Variants in SHB observed in about 807,000 individuals in gnomAD.
The protein encoded by SHB is SH2 domain-containing adapter protein B.
A neutral mutation model predicts 52.3 loss-of-function variants in SHB; 20 were observed. The ratio of observed to expected loss-of-function variants is 0.38; its 90% CI spans 0.27 to 0.56. SHB has a LOEUF of 0.56. Among genes scored for constraint, SHB ranks in the 20% least tolerant of loss-of-function variants. The pLI is 0.71. For missense variants in SHB, 825 were observed against 723.3 expected (o/e 1.14, Z -1.61); for synonymous variants, 397 against 316.5 (o/e 1.25, Z -2.70).
chr9:38,022,820 G>A (rs935638185), intron 1 of SHB, among the ~76,000 whole-genome samples: 2 of 152,238 alleles, frequency 1.3e-5, no homozygotes, highest in African/African-American at 4.8e-5. Flanking sequence ...CAAGCCAGGT[G>A]ATTCAGGAAA....
At chr9:38,059,604 G>A (rs1265851462) in intron 1 of SHB, among the ~76,000 whole-genome samples, 2 of 152,204 alleles carry the variant, frequency 1.3e-5, no homozygotes, top group African/African-American at 2.4e-5. Context: ...ATTCCATTGT[G>A]GAAGCAAGGT....
intron 2 of SHB, among the ~76,000 whole-genome samples, chr9:37,975,657 T>C (rs556837403): frequency 2.0e-5 from 3 of 152,198 alleles, no homozygotes; most frequent in Non-Finnish European, 4.4e-5. Context: ...AATCAGGCAC[T>C]TCCCAGTCAA....
At chr9:37,935,376 C>A (rs1326189631) in intron 5 of SHB, among the ~76,000 whole-genome samples, 1 of 152,154 alleles carries the variant, frequency 6.6e-6, no homozygotes, top group Non-Finnish European at 1.5e-5. Flanking sequence ...CTCGGTGGGG[C>A]ATACGCCTTT....
intron 2 of SHB, among the ~76,000 whole-genome samples, chr9:37,994,907 T>C (rs1366724472): frequency 6.6e-6 from 1 of 152,170 alleles, no homozygotes; most frequent in Non-Finnish European, 1.5e-5. Flanking sequence ...GGAAGAGCCC[T>C]GTACTCTGTG....
chr9:37,972,646 AT>A (rs1820604266), intron 3 of SHB, among the ~76,000 whole-genome samples: 1 of 152,192 alleles, frequency 6.6e-6, no homozygotes, highest in African/African-American at 2.4e-5. Flanking sequence ...GCTTGGAGAG[AT>A]GATAATGTTT....
At chr9:37,966,918 G>A (rs926792793) in intron 3 of SHB, among the ~76,000 whole-genome samples, 5 of 152,298 alleles carry the variant, frequency 3.3e-5, no homozygotes, top group South Asian at 2.1e-4. Context: ...TGAGGGGGAC[G>A]GTGACAAGTC....
chr9:38,017,516 A>C (rs1325923157), intron 1 of SHB, among the ~76,000 whole-genome samples: 1 of 152,224 alleles, frequency 6.6e-6, no homozygotes, highest in Non-Finnish European at 1.5e-5. Context: ...GATGCCCGGA[A>C]AGGGACAGCA....
chr9:37,939,475 C>A (rs1832412523), intron 5 of SHB, among the ~76,000 whole-genome samples: 1 of 152,234 alleles, frequency 6.6e-6, no homozygotes, highest in Non-Finnish European at 1.5e-5. Flanking sequence ...AAACTAGACT[C>A]TTCTATTTGG....
chr9:38,006,026 C>G (rs1227500770), intron 2 of SHB, among the ~76,000 whole-genome samples: 1 of 152,220 alleles, frequency 6.6e-6, no homozygotes, highest in Non-Finnish European at 1.5e-5. Flanking sequence ...GACCACATCT[C>G]AACTCTGACT....
In SHB at chr9:37,918,866, G is replaced by A. The variant is rs1048505348; in HGVS notation, c.*955C>T. 3.3e-5 allele frequency among the ~76,000 whole-genome samples: 5 copies of A among 152,158 alleles called. No homozygotes were observed. Among genetic ancestry groups the A allele is most frequent in the African/African-American group, 9.7e-5 (4 of 41,428 alleles). The stretch of plus-strand genomic sequence containing the variant: ...ACTGGTTTTTTGGTCAACACTGGAG[G>A]CTCCTGACTATGTCCACTGCTGAAG... On this transcript the variant is annotated 3_prime_UTR_variant, in exon 6 of 6. Coordinates refer to ENST00000377707, the MANE Select transcript of SHB (RefSeq NM_003028.3).
At position 37,917,627 on chromosome 9, in the gene SHB, C is replaced by T. The variant is rs531053258; in HGVS notation, c.*2194G>A. Among the ~76,000 whole-genome samples the T allele has an allele frequency of 5.9e-5, 9 of 152,364 alleles. No individual in the cohort carries two copies. The highest frequency in any genetic ancestry group is 1.9e-4 in the East Asian group (1 of 5,188). ...GAGAATAAGCCTTGGGGTCCAGGCT[C>T]CTCTGTTTGGCCAAGTGCCAACTCC... On this transcript the variant is annotated 3_prime_UTR_variant, in exon 6 of 6. Transcript: ENST00000377707.
intron 1 of SHB, among the ~76,000 whole-genome samples, chr9:38,040,107 C>T (rs1821555294): frequency 6.6e-6 from 1 of 152,232 alleles, no homozygotes; most frequent in South Asian, 2.1e-4. Context: ...CCGGTCTTTC[C>T]CCATAGCCGC....
intron 3 of SHB, among the ~76,000 whole-genome samples, chr9:37,968,999 A>G (rs1416129372): frequency 1.3e-5 from 2 of 152,258 alleles, no homozygotes; most frequent in Admixed American, 1.3e-4. Context: ...GAAAGCACGA[A>G]CCTCCAGAAC....
In SHB at chr9:37,916,346, C is replaced by T. The variant is rs1375670606; in HGVS notation, c.*3475G>A. Among the ~76,000 whole-genome samples the T allele has an allele frequency of 6.6e-6, 1 of 152,238 alleles. No homozygotes were observed. The highest frequency in any genetic ancestry group is 1.5e-5 in the Non-Finnish European group (1 of 68,044). ...CTGGCAGGGCTTCTACCTGCACAGT[C>T]CCTAGGGCTGCAAGAGCAAATGGGG... On this transcript the variant is annotated 3_prime_UTR_variant, in exon 6 of 6. Coordinates refer to ENST00000377707, the MANE Select transcript of SHB (RefSeq NM_003028.3).
intron 1 of SHB, among the ~76,000 whole-genome samples, chr9:38,057,716 T>C (rs1275185056): frequency 6.6e-6 from 1 of 152,240 alleles, no homozygotes; most frequent in Admixed American, 6.5e-5. Context: ...TGTTAAGAAC[T>C]TTCTGATGAT....
intron 3 of SHB, among the ~76,000 whole-genome samples, chr9:37,972,697 AG>A (rs1564091660): frequency 6.6e-6 from 1 of 152,198 alleles, no homozygotes; most frequent in Non-Finnish European, 1.5e-5. Context: ...GTTCCAGATA[AG>A]ACAGGCAGGG....
At chr9:37,986,805 G>A (rs943940) in intron 2 of SHB, among the ~76,000 whole-genome samples, 66,040 of 152,098 alleles carry the variant, frequency 0.43, 14,439 homozygotes, top group East Asian at 0.7. Context: ...GTGCTGCAGA[G>A]AGCCAGGGCC....
rs1343596799 is a variant in SHB at position 37,986,158 on chromosome 9, G to A, written c.839-11321C>T. Reference sequence around the variant, plus strand: ...AAGTCCTGATGCAAGGAGACACCTTGAGGGCCAGGGATGCCAACGGACCCT... The same window carrying A: ...AAGTCCTGATGCAAGGAGACACCTTAAGGGCCAGGGATGCCAACGGACCCT... On this transcript the variant is annotated intron_variant, in intron 2 of 5. Transcript: ENST00000377707. Among the ~76,000 whole-genome samples the A allele has an allele frequency of 3.9e-5, 6 of 152,194 alleles. No individual in the cohort carries two copies. The East Asian group carries it at 1.2e-3, about 29-fold the overall frequency.
chr9:38,068,406 G>A lies in SHB; in HGVS notation c.240C>T (p.Leu80=), dbSNP rs1822005220. 2 of 1,573,372 alleles carry A rather than the reference G, an allele frequency of 1.3e-6. No individual in the cohort carries two copies. Among genetic ancestry groups the A allele is most frequent in the African/African-American group, 1.4e-5 (1 of 71,414 alleles). ...LPDDSGSTSD[L]IRAYRAQKER... ...CCTTCTGCGCGCGGTAGGCGCGGAT[G>A]AGGTCGCTGGTGCTGCCGCTGTCGT... Residue 80 remains leucine (L), a synonymous_variant, in exon 1 of 6, where the codon CTC becomes CTT. Coordinates refer to ENST00000377707, the MANE Select transcript of SHB (RefSeq NM_003028.3).
Sources: allele counts gnomAD v4.1 joint callset (sites outside exome capture counted in the v4.1 genomes callset), GRCh38; gene constraint gnomAD v4.1.1; transcripts MANE v1.5; gene names NCBI Gene and HGNC (gene_info 2026-07-23, HGNC 2026-07-21).